Variants in RAP1A observed in about 807,000 individuals in gnomAD.
RAP1A encodes ras-related protein Rap-1A.
Under a neutral mutation model 26.4 loss-of-function variants are expected in RAP1A, and 6 were observed. The ratio of observed to expected loss-of-function variants is 0.23; its 90% CI spans 0.12 to 0.45. RAP1A has a LOEUF of 0.45. Ranked by LOEUF, RAP1A falls within the 20% of genes least tolerant of loss-of-function variation. The pLI is 0.99. For missense variants in RAP1A, 121 were observed against 217.2 expected, an observed-to-expected ratio of 0.56 and a Z score of 2.78; for synonymous variants, 73 against 79.4, an observed-to-expected ratio of 0.92 and a Z score of 0.43.
intron 1 of RAP1A, among the ~76,000 whole-genome samples, chr1:111,595,639 G>C (rs1463323476): frequency 6.6e-6 from 1 of 152,140 alleles, no homozygotes; most frequent in Admixed American, 6.5e-5. Context: ...GGCTTCCCTG[G>C]TTAGGTTACC....
rs74693978 is a variant in RAP1A at position 111,655,071 on chromosome 1, A to G, written c.-28+35137A>G. On this transcript the variant is annotated intron_variant, in intron 1 of 7. Transcript: ENST00000369709. ...GGGCCAGACCATAGACCAAGTAGTT[A>G]TAGCAAAAGAGAGTTTCTAAATTAC... Among the ~76,000 whole-genome samples, 200 of 152,110 alleles carry G rather than the reference A, an allele frequency of 1.3e-3. 1 individual carries two copies. The highest frequency in any genetic ancestry group is 4.7e-3 in the African/African-American group (196 of 41,482).
intron 6 of RAP1A, among the ~76,000 whole-genome samples, chr1:111,707,318 C>T (rs192819279): frequency 3.9e-4 from 59 of 152,094 alleles, no homozygotes; most frequent in Admixed American, 9.8e-4. Flanking sequence ...TATTTGCCAT[C>T]TATCTTAAAA....
intron 4 of RAP1A, among the ~76,000 whole-genome samples, chr1:111,700,446 A>G (rs927197243): frequency 1.3e-5 from 2 of 152,154 alleles, no homozygotes; most frequent in Non-Finnish European, 2.9e-5. Flanking sequence ...TTAAACAACC[A>G]GATCTCACGA....
chr1:111,625,459 G>A (rs1443748543), intron 1 of RAP1A, among the ~76,000 whole-genome samples: 1 of 152,052 alleles, frequency 6.6e-6, no homozygotes, highest in East Asian at 1.9e-4. Context: ...ATCTCTTATT[G>A]CTGACTATAC....
At chr1:111,606,089 A>C (rs1475734391) in intron 1 of RAP1A, among the ~76,000 whole-genome samples, 1 of 152,196 alleles carries the variant, frequency 6.6e-6, no homozygotes, top group African/African-American at 2.4e-5. Context: ...GCCATAAGAA[A>C]AGACAGAGAA....
intron 1 of RAP1A, among the ~76,000 whole-genome samples, chr1:111,542,701 T>G (rs1656881447): frequency 6.6e-6 from 1 of 152,144 alleles, no homozygotes; most frequent in Non-Finnish European, 1.5e-5. Flanking sequence ...TTTTTGTTTT[T>G]TTTTTCTTTT....
At chr1:111,546,354 A>G (rs1292749171) in intron 1 of RAP1A, among the ~76,000 whole-genome samples, 1 of 152,118 alleles carries the variant, frequency 6.6e-6, no homozygotes, top group Admixed American at 6.5e-5. Context: ...CATTACCACC[A>G]TCCATCTCTA....
intron 5 of RAP1A, 43 bp downstream of exon 5, chr1:111,703,519 G>C: frequency 1.4e-6 from 2 of 1,452,636 alleles, no homozygotes; most frequent in Non-Finnish European, 1.8e-6. Context: ...CCATCTCTCT[G>C]TGGCCAAATA....
intron 4 of RAP1A, among the ~76,000 whole-genome samples, chr1:111,702,182 T>C (rs900725282): frequency 1.3e-5 from 2 of 152,202 alleles, no homozygotes; most frequent in African/African-American, 4.8e-5. Context: ...TAAGAAACTT[T>C]GTGGATTTAT....
intron 1 of RAP1A, among the ~76,000 whole-genome samples, chr1:111,568,008 A>T (rs1557853436): frequency 6.6e-6 from 1 of 152,256 alleles, no homozygotes; most frequent in Non-Finnish European, 1.5e-5. Flanking sequence ...CCTGAGCAGA[A>T]TACCAGAAAC....
At chr1:111,666,002 T>C (rs1441574271) in intron 1 of RAP1A, among the ~76,000 whole-genome samples, 1 of 152,234 alleles carries the variant, frequency 6.6e-6, no homozygotes, top group African/African-American at 2.4e-5. Flanking sequence ...AATACTTGTT[T>C]CTCTGAAGAG....
At chr1:111,554,055 A>C (rs535968040) in intron 1 of RAP1A, among the ~76,000 whole-genome samples, 1 of 152,256 alleles carries the variant, frequency 6.6e-6, no homozygotes, top group Non-Finnish European at 1.5e-5. Flanking sequence ...ATATGCACTA[A>C]AGCCAGAATT....
chr1:111,711,916 C>T (rs1450500973), intron 7 of RAP1A, among the ~76,000 whole-genome samples: 1 of 152,124 alleles, frequency 6.6e-6, no homozygotes, highest in African/African-American at 2.4e-5. Context: ...GATTCTTCTG[C>T]TCTTGACTAT....
chr1:111,619,600 A>G (rs1659099725), upstream of RAP1A, among the ~76,000 whole-genome samples: 1 of 152,170 alleles, frequency 6.6e-6, no homozygotes, highest in Admixed American at 6.5e-5. Context: ...CGCAAAGCTA[A>G]AACTCCCCGC....
chr1:111,620,837 C>T (rs368980406), intron 1 of RAP1A, among the ~76,000 whole-genome samples: 1 of 152,084 alleles, frequency 6.6e-6, no homozygotes, highest in African/African-American at 2.4e-5. Flanking sequence ...GTGTCTTCAG[C>T]CGAGTTGTGT....
At chr1:111,594,670 C>CT (rs1658533280) in intron 1 of RAP1A, among the ~76,000 whole-genome samples, 1 of 152,168 alleles carries the variant, frequency 6.6e-6, no homozygotes, top group African/African-American at 2.4e-5. Context: ...TAAAGGTGAA[C>CT]TTTCTGAACC....
At position 111,716,451 on chromosome 1, in the gene RAP1A, C is replaced by G. The variant is rs1164119234; in HGVS notation, c.*4050C>G. 6.6e-6 allele frequency: 1 copy of G among 152,176 alleles called. No homozygotes were observed. Among genetic ancestry groups the G allele is most frequent in the Non-Finnish European group, 1.5e-5 (1 of 68,040 alleles). 9.4% of individuals were successfully genotyped at this position (152,176 alleles called of 1,614,324 possible). A position where few individuals can be genotyped will look rare whatever the true frequency, so the allele number is the denominator to read the frequency against. ...TATTCTTGTTGAGAACAGCTGGAGG[C>G]TTTGACTGGGTTCCTAGTTCTGTTT... On this transcript the variant is annotated 3_prime_UTR_variant, in exon 8 of 8. Coordinates refer to ENST00000369709, the MANE Select transcript of RAP1A (RefSeq NM_002884.4).
intron 1 of RAP1A, among the ~76,000 whole-genome samples, chr1:111,614,175 A>G (rs905280954): frequency 1.6e-4 from 24 of 152,230 alleles, no homozygotes; most frequent in African/African-American, 5.5e-4. Flanking sequence ...AAATTCATTT[A>G]ATCCTTCTAA....
At position 111,712,871 on chromosome 1, in the gene RAP1A, C is replaced by A. The variant is rs1803876; in HGVS notation, c.*470C>A. Reference sequence around the variant, plus strand: ...ATTGCAGCAGATAACTTTTTTGAGTCATTGACTTCATTTTATATTTAAAAA... The same window carrying A: ...ATTGCAGCAGATAACTTTTTTGAGTAATTGACTTCATTTTATATTTAAAAA... On this transcript the variant is annotated 3_prime_UTR_variant, in exon 8 of 8. Transcript: ENST00000369709. The A allele has an allele frequency of 6.6e-6, 1 of 152,308 alleles. No individual in the cohort carries two copies. The highest frequency in any genetic ancestry group is 1.5e-5 in the Non-Finnish European group (1 of 67,916). The allele number at this position is 152,308 out of a possible 1,614,324, so 9.4% of individuals were successfully genotyped here. A position where few individuals can be genotyped will look rare whatever the true frequency, so the allele number is the denominator to read the frequency against.
Sources: allele counts gnomAD v4.1 joint callset (sites outside exome capture counted in the v4.1 genomes callset), GRCh38; gene constraint gnomAD v4.1.1; transcripts MANE v1.5; gene names NCBI Gene and HGNC (gene_info 2026-07-23, HGNC 2026-07-21).